Variants in PTPRT observed in about 807,000 individuals in gnomAD.
PTPRT encodes protein tyrosine phosphatase receptor type T, also known as receptor-type tyrosine-protein phosphatase T.
Under a neutral mutation model 176.8 loss-of-function variants are expected in PTPRT, and 56 were observed. The observed-to-expected ratio is 0.32, with a 90% CI of 0.26 to 0.40. PTPRT has a LOEUF of 0.40. Among genes scored for constraint, PTPRT ranks in the 10% least tolerant of loss-of-function variants. PTPRT has a pLI of 1.00. For synonymous variants in PTPRT, 783 were observed against 739.0 expected, an observed-to-expected ratio of 1.06 and a Z score of -0.96; for missense variants, 1,540 against 1,908.2, an observed-to-expected ratio of 0.81 and a Z score of 3.60.
chr20:42,993,082 C>T (rs1984012202), intron 1 of PTPRT, among the ~76,000 whole-genome samples: 3 of 152,062 alleles, frequency 2.0e-5, no homozygotes, highest in Admixed American at 2.0e-4. Context: ...GGGACACAAA[C>T]TGAGGCATGA....
At chr20:42,420,116 TGTGATGCTTTCC>T (rs1368483716) in intron 9 of PTPRT, among the ~76,000 whole-genome samples, 4 of 152,294 alleles carry the variant, frequency 2.6e-5, no homozygotes, top group African/African-American at 9.6e-5. Flanking sequence ...CCACCTGGTT[TGTGATGCTTTCC>T]TATGGCAGCC....
Position 42,409,481 on chromosome 20 carries a change from C to CAAAAAAA in PTPRT, c.1560+38732_1560+38738dup, listed in dbSNP as rs58932390. ...TGGGCAACAGAACGAGACTCTGTCG[C>CAAAAAAA]AAAAAAAAAAAAAAAAAAAAAAAAA... On this transcript the variant is annotated intron_variant, in intron 9 of 30. Coordinates refer to ENST00000373187, the MANE Select transcript of PTPRT (RefSeq NM_007050.6). 2.1e-4 allele frequency among the ~76,000 whole-genome samples: 23 copies of CAAAAAAA among 112,162 alleles called. 1 individual carries two copies. The highest frequency in any genetic ancestry group is 5.8e-4 in the African/African-American group (16 of 27,460). 73.6% of individuals were successfully genotyped at this position (112,162 alleles called of 152,430 possible). A position where few individuals can be genotyped will look rare whatever the true frequency, so the allele number is the denominator to read the frequency against.
chr20:42,368,161 C>T (rs369150456), intron 9 of PTPRT, among the ~76,000 whole-genome samples: 33 of 152,292 alleles, frequency 2.2e-4, no homozygotes, highest in African/African-American at 7.9e-4. Flanking sequence ...TCCCAGGAGG[C>T]TTCCTTCAGG....
chr20:42,500,034 GT>G (rs966919606), intron 7 of PTPRT, among the ~76,000 whole-genome samples: 21 of 151,862 alleles, frequency 1.4e-4, no homozygotes, highest in East Asian at 3.9e-4. Flanking sequence ...TGTAATTTGA[GT>G]TTTTTTATCC....
chr20:42,471,453 T>C (rs1750596704), intron 8 of PTPRT, among the ~76,000 whole-genome samples: 1 of 152,156 alleles, frequency 6.6e-6, no homozygotes, highest in Non-Finnish European at 1.5e-5. Flanking sequence ...CGCCAATCTT[T>C]TGCGCCTGCT....
intron 1 of PTPRT, among the ~76,000 whole-genome samples, chr20:43,080,943 A>G (rs932020912): frequency 6.6e-6 from 1 of 152,242 alleles, no homozygotes; most frequent in African/African-American, 2.4e-5. Context: ...ACAGGTGCTT[A>G]TTTGTTAGAG....
At chr20:42,961,197 T>A (rs1240873862) in intron 1 of PTPRT, among the ~76,000 whole-genome samples, 1 of 152,206 alleles carries the variant, frequency 6.6e-6, no homozygotes, top group Non-Finnish European at 1.5e-5. Context: ...AAGATTTTAA[T>A]GCTGTAAGGA....
chr20:42,402,227 A>G (rs2058915457), intron 9 of PTPRT, among the ~76,000 whole-genome samples: 1 of 152,106 alleles, frequency 6.6e-6, no homozygotes, highest in African/African-American at 2.4e-5. Context: ...GTTCCCCAAA[A>G]CATCCCTGAC....
intron 29 of PTPRT, among the ~76,000 whole-genome samples, chr20:42,083,921 G>C (rs775901715): frequency 1.3e-5 from 2 of 152,160 alleles, no homozygotes; most frequent in African/African-American, 4.8e-5. Flanking sequence ...ATACTCCCAG[G>C]ATAGATTCTG....
chr20:42,092,322 C>T (rs927638755), intron 27 of PTPRT, among the ~76,000 whole-genome samples: 1 of 152,200 alleles, frequency 6.6e-6, no homozygotes, highest in African/African-American at 2.4e-5. Flanking sequence ...AGACAACCCC[C>T]TCAGAATTCT....
intron 14 of PTPRT, 133 bp downstream of exon 14, chr20:42,248,554 T>C: frequency 8.3e-7 from 1 of 1,197,944 alleles, no homozygotes; most frequent in Admixed American, 2.1e-5. Flanking sequence ...CCGGCCCATG[T>C]ATTTCCGGAC....
chr20:42,649,720 T>G (rs2074994461), intron 7 of PTPRT, among the ~76,000 whole-genome samples: 1 of 152,178 alleles, frequency 6.6e-6, no homozygotes, highest in Non-Finnish European at 1.5e-5. Context: ...CAAAAAGTGT[T>G]TGCTGGTTGA....
intron 1 of PTPRT, among the ~76,000 whole-genome samples, chr20:42,886,530 G>C (rs1232055118): frequency 6.6e-6 from 1 of 152,200 alleles, no homozygotes; most frequent in Non-Finnish European, 1.5e-5. Flanking sequence ...GTAAAAAGCA[G>C]TCTGAAAAAT....
chr20:42,292,732 C>T (rs1022082603), intron 12 of PTPRT, among the ~76,000 whole-genome samples: 1 of 152,102 alleles, frequency 6.6e-6, no homozygotes, highest in Non-Finnish European at 1.5e-5. Flanking sequence ...GGAAAACAGG[C>T]TAAGTGGTTT....
chr20:42,606,030 C>G (rs1205818682), intron 7 of PTPRT, among the ~76,000 whole-genome samples: 1 of 152,172 alleles, frequency 6.6e-6, no homozygotes, highest in African/African-American at 2.4e-5. Flanking sequence ...GAATTTCAGG[C>G]TACAGGATCA....
intron 8 of PTPRT, among the ~76,000 whole-genome samples, chr20:42,468,534 T>C (rs62204869): frequency 2.6e-5 from 4 of 152,246 alleles, no homozygotes; most frequent in Admixed American, 6.5e-5. Context: ...CACATCTCCA[T>C]AGAGCAGGAA....
intron 1 of PTPRT, among the ~76,000 whole-genome samples, chr20:42,961,595 C>G (rs1981987495): frequency 6.6e-6 from 1 of 152,076 alleles, no homozygotes; most frequent in Non-Finnish European, 1.5e-5. Context: ...TCCTTTAGGG[C>G]AGGGGAGAGG....
At chr20:42,262,979 G>A (rs1252100009) in intron 13 of PTPRT, among the ~76,000 whole-genome samples, 1 of 152,182 alleles carries the variant, frequency 6.6e-6, no homozygotes, top group African/African-American at 2.4e-5. Context: ...CCTAGAGGAT[G>A]AGTAAGGCAA....
chr20:42,247,850 T>G (rs1406997774), intron 14 of PTPRT, among the ~76,000 whole-genome samples: 1 of 152,164 alleles, frequency 6.6e-6, no homozygotes, highest in African/African-American at 2.4e-5. Context: ...ACTCTCTGTT[T>G]AGAGGAATAA....
Sources: gnomAD v4.1 joint callset for allele counts (sites outside exome capture counted in the v4.1 genomes callset) on GRCh38, gnomAD v4.1.1 for gene constraint, MANE v1.5 for transcripts, NCBI Gene and HGNC (gene_info 2026-07-23, HGNC 2026-07-21) for gene names.